Variants in ZNF280A observed in about 807,000 individuals in gnomAD.
ZNF280A encodes zinc finger protein 280A, also known as suppressor of hairy wing homolog 1.
ZNF280A carries 26 observed loss-of-function variants against 35.9 expected under a neutral mutation model. That is an observed-to-expected ratio of 0.72 (90% confidence interval 0.53 to 1.01). ZNF280A has a LOEUF of 1.01. ZNF280A is among the 50% of genes least tolerant of loss of function. The probability of loss-of-function intolerance (pLI) is 0.00; values close to 1 mark genes in which losing one functional copy is unlikely to be tolerated. For missense variants in ZNF280A, 654 were observed against 652.0 expected (o/e 1.00, Z -0.03); for synonymous variants, 231 against 232.9 (o/e 0.99, Z 0.07).
In ZNF280A at chr22:22,515,434, A is replaced by G; in HGVS notation, c.197T>C (p.Val66Ala). 3 of 1,613,668 alleles carry G rather than the reference A, an allele frequency of 1.9e-6. No homozygotes were observed. The highest frequency in any genetic ancestry group is 2.5e-6 in the Non-Finnish European group (3 of 1,179,956). The change falls in exon 2 of 2, where the codon GTC (valine) becomes GCC (alanine). Residue 66 changes from valine to alanine, a missense_variant. Val to Ala is a moderately conservative substitution (Grantham distance 64). Coordinates refer to ENST00000302097, the MANE Select transcript of ZNF280A (RefSeq NM_080740.5). ...TCTTCTTGAATTTGAGCCTGGGGTG[A>G]CTCTGTTCAAAATGTTTGAAACGAC... ...KPVVSNILNR[V>A]TPGSNSRRKK... is the part of the protein sequence containing the mutation.
At chr22:22,518,121 T>G (rs1046342660) in intron 1 of ZNF280A, among the ~76,000 whole-genome samples, 2 of 151,768 alleles carry the variant, frequency 1.3e-5, no homozygotes, top group African/African-American at 4.8e-5. Context: ...GAGACGGGGT[T>G]TCACCGTGTT....
chr22:22,516,297 G>GCACA (rs587603341), intron 1 of ZNF280A, among the ~76,000 whole-genome samples: 3 of 149,018 alleles, frequency 2.0e-5, no homozygotes, highest in Non-Finnish European at 4.5e-5. Flanking sequence ...ACAAATCACA[G>GCACA]CACACACACA....
intron 1 of ZNF280A, among the ~76,000 whole-genome samples, chr22:22,518,412 C>G (rs964874028): frequency 6.6e-6 from 1 of 151,930 alleles, no homozygotes; most frequent in Non-Finnish European, 1.5e-5. Flanking sequence ...ATGTTTCTTA[C>G]ATTTTTAAGG....
intron 1 of ZNF280A, among the ~76,000 whole-genome samples, chr22:22,518,015 C>T (rs1262277531): frequency 2.6e-5 from 4 of 151,378 alleles, no homozygotes; most frequent in African/African-American, 7.3e-5. Flanking sequence ...GGCTCCGCCC[C>T]GCGGGGTTCA....
intron 1 of ZNF280A, among the ~76,000 whole-genome samples, chr22:22,519,810 T>C (rs918140700): frequency 4.0e-5 from 6 of 151,836 alleles, no homozygotes; most frequent in African/African-American, 1.5e-4. Flanking sequence ...AGGATTACCA[T>C]CCCAGGGCAG....
rs2062044790 is a variant in ZNF280A, at chr22:22,514,446, C to T, written c.1185G>A (p.Val395=). 1 of 1,613,932 alleles carries T rather than the reference C, an allele frequency of 6.2e-7. No individual in the cohort carries two copies. Among genetic ancestry groups the T allele is most frequent in the Non-Finnish European group, 8.5e-7 (1 of 1,179,990 alleles). ...DHHKPGEMPY[V]CQVCHYRSSV... is the part of the protein sequence containing the mutation. ...ACGATCTGTAATGGCAAACCTGGCA[C>T]ACATAAGGCATTTCGCCAGGCTTAT... The change falls in exon 2 of 2, where the codon GTG becomes GTA. Residue 395 remains valine (V), a synonymous_variant. Coordinates refer to ENST00000302097, the MANE Select transcript of ZNF280A (RefSeq NM_080740.5).
chr22:22,517,925 C>CT (rs1335980616), intron 1 of ZNF280A, among the ~76,000 whole-genome samples: 1,550 of 127,816 alleles, frequency 0.012, 22 homozygotes, highest in African/African-American at 0.029. Context: ...TTGATGGCAT[C>CT]TTTTTTTTTT....
In ZNF280A at chr22:22,513,972, G is replaced by A. The variant is rs748700979; in HGVS notation, c.*30C>T. The A allele has an allele frequency of 2.3e-5, 30 of 1,287,350 alleles. 1 individual carries two copies. The highest frequency in any genetic ancestry group is 1.8e-4 in the African/African-American group (12 of 67,286). The allele number at this position is 1,287,350 out of a possible 1,614,324, so 79.7% of individuals were successfully genotyped here. ...TGGCCTAGCCTCACTTCTGCCTTTC[G>A]GAACTCCTGGAAGTCAGTCGAACAT... On this transcript the variant is annotated 3_prime_UTR_variant, in exon 2 of 2. Transcript: ENST00000302097.
chr22:22,517,906 C>T (rs1033859511), intron 1 of ZNF280A, among the ~76,000 whole-genome samples: 2 of 137,782 alleles, frequency 1.5e-5, no homozygotes, highest in African/African-American at 2.7e-5. Flanking sequence ...AGTAATGTAT[C>T]TTTTATAATT....
At position 22,514,802 on chromosome 22, in the gene ZNF280A, T is replaced by G. The variant is rs1246925228; in HGVS notation, c.829A>C (p.Ser277Arg). ...PKKENPIVLL[S>R]DFYYGQHKGD... is the part of the protein sequence containing the mutation. Reference sequence around the variant, plus strand: ...TTATGCTGTCCATAGTAAAAGTCGCTAAGTAACACGATGGGATTTTCTTTC... The same window carrying G: ...TTATGCTGTCCATAGTAAAAGTCGCGAAGTAACACGATGGGATTTTCTTTC... Residue 277 changes from serine to arginine, a missense_variant, in exon 2 of 2, where the codon AGC becomes CGC. Coordinates refer to ENST00000302097, the MANE Select transcript of ZNF280A (RefSeq NM_080740.5). 3 of 1,613,948 alleles carry G rather than the reference T, an allele frequency of 1.9e-6. No individual in the cohort carries two copies. The East Asian group carries it at 6.7e-5, about 36-fold the overall frequency.
intron 1 of ZNF280A, among the ~76,000 whole-genome samples, chr22:22,516,225 C>T (rs1213761373): frequency 6.6e-6 from 1 of 151,630 alleles, no homozygotes; most frequent in Non-Finnish European, 1.5e-5. Context: ...AAGCTATGTT[C>T]ATGCCACTGC....
At position 22,515,096 on chromosome 22, in the gene ZNF280A, T is replaced by C. The variant is rs2062053398; in HGVS notation, c.535A>G (p.Lys179Glu). Residue 179 changes from lysine to glutamate, a missense_variant, in exon 2 of 2, where the codon AAA becomes GAA. Transcript: ENST00000302097. ...ATTCCATCCCTGAGTTTAACCCTTT[T>C]GGAATCTCTGCTGTTTATATCTGAA... Reference protein sequence around the residue: ...STSDINSRDSKRVKLRDGIPG... With the variant: ...STSDINSRDSERVKLRDGIPG... The C allele has an allele frequency of 9.9e-6, 16 of 1,613,914 alleles. No individual in the cohort carries two copies. The highest frequency in any genetic ancestry group is 2.2e-5 in the East Asian group (1 of 44,784).
intron 1 of ZNF280A, among the ~76,000 whole-genome samples, chr22:22,518,547 G>A (rs2062101465): frequency 1.3e-5 from 2 of 151,578 alleles, no homozygotes; most frequent in South Asian, 4.2e-4. Context: ...AGCACTTTTG[G>A]GAGGCCGAGG....
At chr22:22,519,258 AC>A (rs1379216585) in intron 1 of ZNF280A, among the ~76,000 whole-genome samples, 1 of 151,650 alleles carries the variant, frequency 6.6e-6, no homozygotes, top group Admixed American at 6.6e-5. Context: ...ACATGGTGAA[AC>A]CCATCTCTAC....
chr22:22,515,788 T>G, intron 1 of ZNF280A, 87 bp from the exon 2 acceptor site: 1 of 1,177,906 alleles, frequency 8.5e-7, no homozygotes, highest in African/African-American at 1.6e-5. Context: ...AACACTGAGA[T>G]AACCATCAAC....
rs747387567 is a variant in ZNF280A, at chr22:22,515,559, C to T, written c.72G>A (p.Glu24=). ...TCAGATCTGGATCTTCATCATCCTC[C>T]TCCCTTTGTTTGGATTCTCTCAAAT... ...KKNLRESKQR[E]EDDEDPDLIY... The change falls in exon 2 of 2, where the codon GAG becomes GAA. Residue 24 remains glutamate (E), a synonymous_variant. Coordinates refer to ENST00000302097, the MANE Select transcript of ZNF280A (RefSeq NM_080740.5). 1.2e-6 allele frequency: 2 copies of T among 1,612,644 alleles called. No homozygotes were observed. The highest frequency in any genetic ancestry group is 1.7e-5 in the Admixed American group (1 of 59,706).
At position 22,515,690 on chromosome 22, in the gene ZNF280A, A is replaced by G; in HGVS notation, c.-60T>C. On this transcript the variant is annotated 5_prime_UTR_variant, in exon 2 of 2. Transcript: ENST00000302097. Reference sequence around the variant, plus strand: ...CTTCAACTTCCAGAGCTGTCTTTTTACAAATTGCCACCTAAGTGCAACCAT... The same window carrying G: ...CTTCAACTTCCAGAGCTGTCTTTTTGCAAATTGCCACCTAAGTGCAACCAT... The G allele has an allele frequency of 6.6e-7, 1 of 1,518,238 alleles. No individual in the cohort carries two copies. Among genetic ancestry groups the G allele is most frequent in the Non-Finnish European group, 8.8e-7 (1 of 1,137,978 alleles). The allele number at this position is 1,518,238 out of a possible 1,614,324, so 94.0% of individuals were successfully genotyped here.
intron 1 of ZNF280A, among the ~76,000 whole-genome samples, chr22:22,516,879 A>G (rs1408876612): frequency 6.6e-6 from 1 of 151,808 alleles, no homozygotes; most frequent in Admixed American, 6.6e-5. Context: ...CCTCAGTCCC[A>G]TGGTTCCTCT....
At position 22,514,491 on chromosome 22, in the gene ZNF280A, T is replaced by C; in HGVS notation, c.1140A>G (p.Leu380=). ...GCTTATGATGGTCCTTCATGTGTTGTAAGAGGACCTGATCTGTTTCAAATG... is the reference window on the plus strand; with the variant it reads ...GCTTATGATGGTCCTTCATGTGTTGCAAGAGGACCTGATCTGTTTCAAATG... The part of the protein sequence containing the change: ...ELSFETDQVL[L]QHMKDHHKPG... Residue 380 remains leucine, a synonymous_variant, in exon 2 of 2, where the codon TTA becomes TTG. Coordinates refer to ENST00000302097, the MANE Select transcript of ZNF280A (RefSeq NM_080740.5). 1 of 1,613,938 alleles carries C rather than the reference T, an allele frequency of 6.2e-7. No individual in the cohort carries two copies. Among genetic ancestry groups the C allele is most frequent in the Non-Finnish European group, 8.5e-7 (1 of 1,179,992 alleles).
Sources: allele counts gnomAD v4.1 joint callset (sites outside exome capture counted in the v4.1 genomes callset), GRCh38; gene constraint gnomAD v4.1.1; transcripts MANE v1.5; gene names NCBI Gene and HGNC (gene_info 2026-07-23, HGNC 2026-07-21).